NIPAL2: variants seen among roughly 807,000 people sequenced by gnomAD.
NIPAL2 encodes the protein NIPA like domain containing 2.
NIPAL2 carries 43 observed loss-of-function variants against 48.9 expected under a neutral mutation model. That is an observed-to-expected ratio of 0.88 (90% CI 0.69 to 1.13). The LOEUF (loss-of-function observed/expected upper bound fraction) is 1.13, where lower values mean the gene tolerates loss of function less well. Ranked by LOEUF, NIPAL2 falls within the 50% of genes most tolerant of loss-of-function variation. The pLI is 0.00. For synonymous variants in NIPAL2, 167 were observed against 174.6 expected (o/e 0.96, Z 0.34); for missense variants, 446 against 461.4 (o/e 0.97, Z 0.31).
intron 1 of NIPAL2, among the ~76,000 whole-genome samples, chr8:98,291,545 C>A (rs1470852378): frequency 2.0e-5 from 3 of 152,220 alleles, no homozygotes; most frequent in Non-Finnish European, 4.4e-5. Context: ...CTACATAGCT[C>A]ATTTTCCCAA....
At chr8:98,196,465 A>C (rs1346492873) in intron 8 of NIPAL2, among the ~76,000 whole-genome samples, 1 of 152,192 alleles carries the variant, frequency 6.6e-6, no homozygotes, top group Non-Finnish European at 1.5e-5. Context: ...GGAGATGCCC[A>C]GTGATCTGTT....
chr8:98,263,618 G>A (rs1237804046), intron 1 of NIPAL2, among the ~76,000 whole-genome samples: 2 of 147,458 alleles, frequency 1.4e-5, no homozygotes, highest in Non-Finnish European at 3.0e-5. Context: ...AACAGGATCT[G>A]AAATTGTGGC....
rs568739426 is a variant in NIPAL2, at chr8:98,233,768, C to A, written c.436+2387G>T. Among the ~76,000 whole-genome samples, 10 of 152,282 alleles carry A rather than the reference C, an allele frequency of 6.6e-5. No homozygotes were observed. In the South Asian group the frequency reaches 1.9e-3, roughly 28 times the overall value. ...TCTTCCTTTCCATAGTTACAACTTG[C>A]ATTTATTTTTTCCTAAGCCTTACAG... On this transcript the variant is annotated intron_variant, in intron 4 of 10. Transcript: ENST00000430223.
chr8:98,234,515 C>G (rs1812608151), intron 4 of NIPAL2, among the ~76,000 whole-genome samples: 1 of 151,924 alleles, frequency 6.6e-6, no homozygotes, highest in African/African-American at 2.4e-5. Context: ...TATCTAGGAC[C>G]TAATTTTTAG....
chr8:98,213,140 T>A (rs1486164145), intron 5 of NIPAL2, among the ~76,000 whole-genome samples: 1 of 152,144 alleles, frequency 6.6e-6, no homozygotes, highest in Non-Finnish European at 1.5e-5. Flanking sequence ...CTACCCAACC[T>A]AAGAAACAGA....
At chr8:98,273,878 G>A (rs1489030463) in intron 1 of NIPAL2, among the ~76,000 whole-genome samples, 4 of 151,848 alleles carry the variant, frequency 2.6e-5, no homozygotes, top group Admixed American at 6.6e-5. Flanking sequence ...TAGTTTGGAC[G>A]TACATAGTCA....
chr8:98,279,938 T>C (rs902459002), intron 1 of NIPAL2, among the ~76,000 whole-genome samples: 1 of 152,236 alleles, frequency 6.6e-6, no homozygotes, highest in Non-Finnish European at 1.5e-5. Context: ...AGCCACAGCA[T>C]ACAATTTATA....
At chr8:98,204,833 T>C (rs1258066976) in intron 7 of NIPAL2, among the ~76,000 whole-genome samples, 1 of 151,812 alleles carries the variant, frequency 6.6e-6, no homozygotes, top group Admixed American at 6.6e-5. Context: ...CAGATATTAA[T>C]TACAAGCAGA....
intron 1 of NIPAL2, among the ~76,000 whole-genome samples, chr8:98,285,439 CCAAT>C: frequency 6.6e-6 from 1 of 152,276 alleles, no homozygotes; most frequent in Non-Finnish European, 1.5e-5. Context: ...TTAACATCAT[CCAAT>C]CAGACTAAAG....
In NIPAL2 at chr8:98,203,210, C is replaced by T; in HGVS notation, c.792-14G>A. On this transcript the variant is annotated splice_polypyrimidine_tract_variant and intron_variant, in intron 7 of 10. Transcript: ENST00000430223. ...TGATTCAGGAACCTAGGGCAGAAGGCACTTACTGGAGCTTTGGCTTTAGGA... is the reference window on the plus strand; with the variant it reads ...TGATTCAGGAACCTAGGGCAGAAGGTACTTACTGGAGCTTTGGCTTTAGGA... 2 of 1,600,860 alleles carry T rather than the reference C, an allele frequency of 1.2e-6. No homozygotes were observed. The highest frequency in any genetic ancestry group is 1.7e-6 in the Non-Finnish European group (2 of 1,168,052).
intron 1 of NIPAL2, among the ~76,000 whole-genome samples, chr8:98,254,425 T>TTA (rs1813763050): frequency 1.3e-5 from 2 of 152,202 alleles, no homozygotes; most frequent in African/African-American, 4.8e-5. Context: ...TTTTCTCTAA[T>TTA]ATCTTTTGGA....
chr8:98,245,615 T>G (rs147227045), intron 3 of NIPAL2, among the ~76,000 whole-genome samples: 521 of 152,360 alleles, frequency 3.4e-3, no homozygotes, highest in Middle Eastern at 0.01. Context: ...ATGTTAAAGT[T>G]GAAAAGACTC....
intron 3 of NIPAL2, among the ~76,000 whole-genome samples, chr8:98,249,593 TA>T (rs1442478875): frequency 1.4e-5 from 2 of 148,116 alleles, no homozygotes; most frequent in African/African-American, 4.9e-5. Context: ...TATTAATATG[TA>T]ACTATATTTA....
chr8:98,232,631 T>C (rs957773300), intron 4 of NIPAL2, among the ~76,000 whole-genome samples: 2 of 152,220 alleles, frequency 1.3e-5, no homozygotes, highest in African/African-American at 4.8e-5. Flanking sequence ...TTAAAAAGCT[T>C]ATTTATATAA....
chr8:98,226,310 A>T (rs1812170038), intron 4 of NIPAL2, among the ~76,000 whole-genome samples: 1 of 151,986 alleles, frequency 6.6e-6, no homozygotes, highest in Non-Finnish European at 1.5e-5. Flanking sequence ...GAGGAGTTAG[A>T]TATTTATTGT....
intron 1 of NIPAL2, among the ~76,000 whole-genome samples, chr8:98,274,443 T>A (rs1328003361): frequency 6.6e-6 from 1 of 152,010 alleles, no homozygotes; most frequent in African/African-American, 2.4e-5. Context: ...TCCTTTTAAA[T>A]CTGCTGAATT....
At chr8:98,210,284 T>C (rs188299820) in intron 6 of NIPAL2, among the ~76,000 whole-genome samples, 5 of 152,038 alleles carry the variant, frequency 3.3e-5, no homozygotes, top group Admixed American at 1.3e-4. Context: ...TCATGAACTC[T>C]AGGTTTAATA....
rs57283132 is a variant in NIPAL2, at chr8:98,289,514, C to CT, written c.135+4488dup. Among the ~76,000 whole-genome samples, 816 of 145,958 alleles carry CT rather than the reference C, an allele frequency of 5.6e-3. 7 individuals are homozygous for CT. The highest frequency in any genetic ancestry group is 0.03 in the South Asian group (139 of 4,650). ...TCTTCCTCCCTCTTCCTTCTTCTTGCTTTTTTTTTTTTCTTTTTAAGGGAC... is the reference window on the plus strand; with the variant it reads ...TCTTCCTCCCTCTTCCTTCTTCTTGCTTTTTTTTTTTTTCTTTTTAAGGGAC... On this transcript the variant is annotated intron_variant, in intron 1 of 10. Coordinates refer to ENST00000430223, the MANE Select transcript of NIPAL2 (RefSeq NM_001321635.2).
Position 98,205,140 on chromosome 8 carries a change from G to A in NIPAL2, c.762C>T (p.Ile254=). The change falls in exon 7 of 11, where the codon ATC becomes ATT. Residue 254 remains isoleucine (I), a synonymous_variant. Transcript: ENST00000430223. The part of the protein sequence containing the change: ...TYPIFYIMFI[I]MIASCVFQVK... ...CTTGGAAAACACAAGATGCTATCAT[G>A]ATGATAAACATGATATAGAAAATGG... 6.2e-7 allele frequency: 1 copy of A among 1,613,690 alleles called. No individual in the cohort carries two copies. The highest frequency in any genetic ancestry group is 8.5e-7 in the Non-Finnish European group (1 of 1,179,792).
Sources: gnomAD v4.1 joint callset for allele counts (sites outside exome capture counted in the v4.1 genomes callset) on GRCh38, gnomAD v4.1.1 for gene constraint, MANE v1.5 for transcripts, NCBI Gene and HGNC (gene_info 2026-07-23, HGNC 2026-07-21) for gene names.